The following LARP4B variants were observed in gnomAD, a reference collection of about 807,000 sequenced individuals.
LARP4B encodes La ribonucleoprotein 4B, also known as la-related protein 4B.
LARP4B carries 12 observed loss-of-function variants against 89.8 expected under a neutral mutation model. That is an observed-to-expected ratio of 0.13 (90% CI 0.09 to 0.22). The LOEUF is 0.22. LARP4B is among the 10% of genes least tolerant of loss of function. The pLI is 1.00. For missense variants in LARP4B, 757 were observed against 947.7 expected, an observed-to-expected ratio of 0.80 and a Z score of 2.64; for synonymous variants, 367 against 363.3, an observed-to-expected ratio of 1.01 and a Z score of -0.12.
chr10:854,259 C>T (rs1194722598), intron 5 of LARP4B, among the ~76,000 whole-genome samples: 1 of 152,206 alleles, frequency 6.6e-6, no homozygotes, highest in Non-Finnish European at 1.5e-5. Flanking sequence ...TCCGTGAGGG[C>T]TGGAATCAAC....
At chr10:901,215 G>A (rs1228535016) in intron 1 of LARP4B, among the ~76,000 whole-genome samples, 2 of 152,134 alleles carry the variant, frequency 1.3e-5, no homozygotes, top group Admixed American at 6.6e-5. Flanking sequence ...GCACCCAGCA[G>A]AAGGATATAT....
At chr10:864,297 T>C in intron 3 of LARP4B, 27 bp from the exon 4 acceptor site, 4 of 1,612,570 alleles carry the variant, frequency 2.5e-6, no homozygotes, top group Non-Finnish European at 3.4e-6. Flanking sequence ...GATAGACATT[T>C]GTATCCAAAT....
the LARP4B span, among the ~76,000 whole-genome samples, chr10:982,345 C>A: frequency 1.3e-5 from 2 of 152,246 alleles, 1 homozygote; most frequent in Admixed American, 1.3e-4. Flanking sequence ...GCCACCTTGG[C>A]CTCCCAAAGT....
chr10:880,654 A>G (rs1201612449), intron 3 of LARP4B, among the ~76,000 whole-genome samples: 1 of 152,028 alleles, frequency 6.6e-6, no homozygotes, highest in East Asian at 1.9e-4. Flanking sequence ...CTACTGCACT[A>G]TAGCCAGCCT....
chr10:823,545 G>A lies in LARP4B; in HGVS notation c.1484+1520C>T, dbSNP rs546527746. 1.6e-3 allele frequency among the ~76,000 whole-genome samples: 242 copies of A among 151,848 alleles called. 7 individuals carry two copies. The highest frequency in any genetic ancestry group is 0.016 in the Admixed American group (238 of 15,252). ...TTTCATTTGCCAGGAAACTCCTTGT[G>A]ACGCTCGTATGAACAAGGCACACTG... On this transcript the variant is annotated intron_variant, in intron 13 of 17. Transcript: ENST00000316157.
intron 1 of LARP4B, among the ~76,000 whole-genome samples, chr10:900,420 C>CCTT (rs1836305930): frequency 2.2e-5 from 1 of 45,230 alleles, no homozygotes; most frequent in African/African-American, 8.7e-5. Flanking sequence ...AGAAGGATGT[C>CCTT]TTTTTTTTTT....
chr10:844,806 T>C (rs1485297070), intron 6 of LARP4B, among the ~76,000 whole-genome samples, 171 bp downstream of exon 6: 1 of 151,816 alleles, frequency 6.6e-6, no homozygotes, highest in African/African-American at 2.4e-5. Flanking sequence ...GAAGGTTACG[T>C]TCCATGCTCA....
At chr10:869,420 C>A (rs144304631) in intron 3 of LARP4B, among the ~76,000 whole-genome samples, 2 of 152,272 alleles carry the variant, frequency 1.3e-5, no homozygotes, top group East Asian at 3.9e-4. Context: ...GAGCTCAGGG[C>A]ATGCTTTAGT....
intron 1 of LARP4B, among the ~76,000 whole-genome samples, chr10:911,944 T>C (rs1836676641): frequency 6.6e-6 from 1 of 152,194 alleles, no homozygotes; most frequent in Non-Finnish European, 1.5e-5. Flanking sequence ...TTTACACATT[T>C]AGACAGATGC....
chr10:825,340 T>C (rs572575150), intron 12 of LARP4B, 24 bp from the exon 13 acceptor site: 1 of 1,609,308 alleles, frequency 6.2e-7, no homozygotes, highest in Admixed American at 1.7e-5. Flanking sequence ...TGGTTTTATG[T>C]GTTGAGTTAT....
chr10:886,692 T>C (rs1004445257), intron 1 of LARP4B, among the ~76,000 whole-genome samples: 3 of 152,258 alleles, frequency 2.0e-5, no homozygotes, highest in Non-Finnish European at 2.9e-5. Context: ...AAGGATATTA[T>C]GCCAAGTGAA....
At chr10:949,250 C>T in the LARP4B span, among the ~76,000 whole-genome samples, 2 of 151,458 alleles carry the variant, frequency 1.3e-5, no homozygotes, top group African/African-American at 4.9e-5. Flanking sequence ...CCACCAGCCC[C>T]GCGTGAGTGA....
chr10:933,703 T>C (rs1009349817), upstream of LARP4B, among the ~76,000 whole-genome samples: 1 of 152,218 alleles, frequency 6.6e-6, no homozygotes, highest in African/African-American at 2.4e-5. Flanking sequence ...TAGGCCATAG[T>C]GTCCTTGCTT....
intron 12 of LARP4B, 55 bp downstream of exon 12, chr10:825,709 T>G: frequency 8.4e-7 from 1 of 1,187,824 alleles, no homozygotes; most frequent in Non-Finnish European, 1.2e-6. Flanking sequence ...TCATCCCAAC[T>G]CCGGAAGGGC....
intron 1 of LARP4B, among the ~76,000 whole-genome samples, chr10:924,584 G>A (rs11253517): frequency 0.15 from 23,450 of 152,180 alleles, 2,356 homozygotes; most frequent in Non-Finnish European, 0.23. Context: ...CCTCCCAGCC[G>A]CGTTCTCTTC....
At chr10:904,822 AGC>A (rs1836445709) in intron 1 of LARP4B, among the ~76,000 whole-genome samples, 1 of 152,138 alleles carries the variant, frequency 6.6e-6, no homozygotes, top group African/African-American at 2.4e-5. Context: ...CTCCCATGCG[AGC>A]AAGGGTAAGA....
chr10:983,503 G>A, the LARP4B span, among the ~76,000 whole-genome samples: 1,321 of 152,260 alleles, frequency 8.7e-3, 15 homozygotes, highest in Middle Eastern at 0.024. Flanking sequence ...CAGCATAGTT[G>A]GGTTCTGGTG....
At chr10:972,433 T>A in the LARP4B span, 4 of 438,990 alleles carry the variant, frequency 9.1e-6, no homozygotes, top group Non-Finnish European at 1.8e-5. Flanking sequence ...CAAAAAAACT[T>A]CTATTCCTTA....
chr10:934,592 C>G (rs1830724390), upstream of LARP4B, among the ~76,000 whole-genome samples: 1 of 151,822 alleles, frequency 6.6e-6, no homozygotes, highest in Non-Finnish European at 1.5e-5. Flanking sequence ...CTTTTTGTTC[C>G]CTCATGATCT....
Sources: gnomAD v4.1 joint callset for allele counts (sites outside exome capture counted in the v4.1 genomes callset) on GRCh38, gnomAD v4.1.1 for gene constraint, MANE v1.5 for transcripts, NCBI Gene and HGNC (gene_info 2026-07-23, HGNC 2026-07-21) for gene names.